NALF1: variants seen among roughly 807,000 people sequenced by gnomAD.
NALF1 encodes the protein NALCN channel auxiliary factor 1.
A neutral mutation model predicts 48.4 loss-of-function variants in NALF1; 3 were observed. The ratio of observed to expected loss-of-function variants is 0.06; its 90% CI spans 0.03 to 0.16. The LOEUF is 0.16. Among genes scored for constraint, NALF1 ranks in the 10% least tolerant of loss-of-function variants. The pLI, the probability that NALF1 is intolerant of heterozygous loss-of-function variation, is 1.00. For missense variants in NALF1, 526 were observed against 571.5 expected, an observed-to-expected ratio of 0.92 and a Z score of 0.81; for synonymous variants, 262 against 245.7, an observed-to-expected ratio of 1.07 and a Z score of -0.62.
At chr13:107,434,130 A>G (rs118057151) in intron 1 of NALF1, among the ~76,000 whole-genome samples, 2,084 of 152,308 alleles carry the variant, frequency 0.014, 25 homozygotes, top group South Asian at 0.039. Flanking sequence ...GAATTCTACA[A>G]CTGTCATATT....
chr13:107,827,205 G>A (rs767993887), intron 1 of NALF1, among the ~76,000 whole-genome samples: 17 of 152,198 alleles, frequency 1.1e-4, no homozygotes, highest in African/African-American at 2.6e-4. Flanking sequence ...TCTTAGAAAC[G>A]CAAAAATAAA....
At chr13:107,658,445 C>G (rs4097302) in intron 1 of NALF1, among the ~76,000 whole-genome samples, 29,371 of 151,816 alleles carry the variant, frequency 0.19, 3,030 homozygotes, top group Middle Eastern at 0.37. Context: ...CAGGTCATTT[C>G]GTATCAATTA....
At chr13:107,682,734 TAGGTGTCCTCCTAGGC>T (rs1319271097) in intron 1 of NALF1, among the ~76,000 whole-genome samples, 1 of 152,122 alleles carries the variant, frequency 6.6e-6, no homozygotes, top group Admixed American at 6.6e-5. Flanking sequence ...TTGCCTTGCC[TAGGTGTCCTCCTAGGC>T]AGGGGTCCTC....
intron 1 of NALF1, among the ~76,000 whole-genome samples, chr13:107,688,602 A>C (rs1881493787): frequency 6.6e-6 from 1 of 152,226 alleles, no homozygotes; most frequent in South Asian, 2.1e-4. Flanking sequence ...AAAATTCTAA[A>C]GCAGTTTTCC....
chr13:107,521,767 C>T (rs1236815991), intron 1 of NALF1, among the ~76,000 whole-genome samples: 1 of 152,014 alleles, frequency 6.6e-6, no homozygotes, highest in Non-Finnish European at 1.5e-5. Context: ...CTATATATAC[C>T]TAGGAGTACA....
chr13:107,473,017 C>T (rs1044654801), intron 1 of NALF1, among the ~76,000 whole-genome samples: 1 of 152,192 alleles, frequency 6.6e-6, no homozygotes, highest in African/African-American at 2.4e-5. Context: ...CTCACTTTCC[C>T]ACTTTTCCTG....
At chr13:107,799,360 A>G (rs908208039) in intron 1 of NALF1, among the ~76,000 whole-genome samples, 2 of 152,338 alleles carry the variant, frequency 1.3e-5, no homozygotes, top group Middle Eastern at 3.4e-3. Context: ...GATGAAAGTG[A>G]CATGCCTGTA....
intron 2 of NALF1, 120 bp downstream of exon 2, chr13:107,210,464 A>G (rs887174119): frequency 6.9e-6 from 5 of 720,836 alleles, no homozygotes; most frequent in Non-Finnish European, 1.2e-5. Flanking sequence ...AAAGTGCGGA[A>G]AACTACCAGC....
At chr13:107,177,694 G>A (rs989466003) in intron 2 of NALF1, among the ~76,000 whole-genome samples, 3 of 152,190 alleles carry the variant, frequency 2.0e-5, no homozygotes, top group African/African-American at 7.2e-5. Context: ...ATATCCATAT[G>A]CAGAAGAATG....
intron 1 of NALF1, among the ~76,000 whole-genome samples, chr13:107,559,335 CAACAA>C (rs1464189891): frequency 6.6e-6 from 1 of 151,106 alleles, no homozygotes; most frequent in Non-Finnish European, 1.5e-5. Flanking sequence ...ACAATAACAA[CAACAA>C]AACAAAACAA....
At chr13:107,634,221 G>GT (rs1388027944) in intron 1 of NALF1, among the ~76,000 whole-genome samples, 1 of 152,038 alleles carries the variant, frequency 6.6e-6, no homozygotes, top group Non-Finnish European at 1.5e-5. Context: ...TGGGGAGGCA[G>GT]TGACTAACTG....
intron 1 of NALF1, among the ~76,000 whole-genome samples, chr13:107,710,777 GTGTGTATATACACATATA>G (rs1193748637): frequency 6.5e-5 from 3 of 46,494 alleles, no homozygotes; most frequent in African/African-American, 1.6e-4. Context: ...ACACACATAT[GTGTGTATATACACATATA>G]TGTATATATA....
At chr13:107,450,888 T>C (rs931417110) in intron 1 of NALF1, among the ~76,000 whole-genome samples, 1 of 152,206 alleles carries the variant, frequency 6.6e-6, no homozygotes, top group Non-Finnish European at 1.5e-5. Flanking sequence ...TGTGAAAACC[T>C]CAAATGACGA....
chr13:107,811,383 T>C (rs1878986209), intron 1 of NALF1, among the ~76,000 whole-genome samples: 1 of 152,180 alleles, frequency 6.6e-6, no homozygotes. Context: ...CTGAAATAAA[T>C]GTTTCTTTGA....
chr13:107,600,829 T>C (rs1878905978), intron 1 of NALF1, among the ~76,000 whole-genome samples: 1 of 152,220 alleles, frequency 6.6e-6, no homozygotes, highest in South Asian at 2.1e-4. Flanking sequence ...ACCTCGATAG[T>C]ATTTGTTGAA....
chr13:107,509,381 G>A (rs1033837465), intron 1 of NALF1, among the ~76,000 whole-genome samples: 9 of 152,044 alleles, frequency 5.9e-5, no homozygotes, highest in Admixed American at 3.3e-4. Flanking sequence ...CTACGAAACC[G>A]TTGTCTAGGT....
chr13:107,803,221 T>C (rs890345795), intron 1 of NALF1, among the ~76,000 whole-genome samples: 3 of 152,156 alleles, frequency 2.0e-5, no homozygotes, highest in African/African-American at 7.2e-5. Context: ...ACAAATGGCC[T>C]AGAAAACCTG....
At chr13:107,498,385 G>C (rs1299507118) in intron 1 of NALF1, among the ~76,000 whole-genome samples, 2 of 152,120 alleles carry the variant, frequency 1.3e-5, no homozygotes, top group Non-Finnish European at 2.9e-5. Context: ...ATTTATGTTG[G>C]GGAAAATAAG....
intron 1 of NALF1, among the ~76,000 whole-genome samples, chr13:107,707,397 G>A (rs771715122): frequency 6.6e-6 from 1 of 152,082 alleles, no homozygotes; most frequent in African/African-American, 2.4e-5. Flanking sequence ...TGTTTTGGCC[G>A]CCTCACTTTG....
Sources: gnomAD v4.1 joint callset for allele counts (sites outside exome capture counted in the v4.1 genomes callset) on GRCh38, gnomAD v4.1.1 for gene constraint, MANE v1.5 for transcripts, NCBI Gene and HGNC (gene_info 2026-07-23, HGNC 2026-07-21) for gene names.